Variants in EPM2A observed in about 807,000 individuals in gnomAD.
EPM2A encodes EPM2A glucan phosphatase, laforin, also known as laforin.
EPM2A carries 21 observed loss-of-function variants against 26.5 expected under a neutral mutation model. That is an observed-to-expected ratio of 0.79 (90% confidence interval 0.56 to 1.14). EPM2A has a LOEUF of 1.14. Ranked by LOEUF, EPM2A falls within the 50% of genes most tolerant of loss-of-function variation. The probability of loss-of-function intolerance (pLI) is 0.00; values close to 1 mark genes in which losing one functional copy is unlikely to be tolerated. For synonymous variants in EPM2A, 217 were observed against 177.6 expected (o/e 1.22, Z -1.76); for missense variants, 458 against 440.8 (o/e 1.04, Z -0.35).
At chr6:145,461,977 A>T (rs898876965) in intron 4 of EPM2A, among the ~76,000 whole-genome samples, 1 of 152,198 alleles carries the variant, frequency 6.6e-6, no homozygotes, top group Non-Finnish European at 1.5e-5. Context: ...CAAAAGCGTA[A>T]GCTCAGGAGC....
chr6:145,735,475 C>A lies in EPM2A; in HGVS notation c.24G>T (p.Val8=). The part of the protein sequence containing the change: MRFRFGV[V]VPPAVAGARP... ...GGGCGCCGGCCACGGCGGGTGGCACCACCACCCCAAAGCGGAAGCGCATGG... is the reference window on the plus strand; with the variant it reads ...GGGCGCCGGCCACGGCGGGTGGCACAACCACCCCAAAGCGGAAGCGCATGG... The change falls in exon 1 of 4, where the codon GTG becomes GTT. Residue 8 remains valine, a synonymous_variant. Transcript: ENST00000367519. The A allele has an allele frequency of 3.3e-6, 4 of 1,212,804 alleles. No individual in the cohort carries two copies. The highest frequency in any genetic ancestry group is 4.1e-6 in the Non-Finnish European group (4 of 976,046). The allele number at this position is 1,212,804 out of a possible 1,614,324, so 75.1% of individuals were successfully genotyped here.
chr6:145,626,114 C>A lies in EPM2A; in HGVS notation c.*1302G>T. The stretch of plus-strand genomic sequence containing the variant: ...TTATATATCACCTTGCACATAGAGG[C>A]TCTCAATTAAAAAAACACTTCTCTT... On this transcript the variant is annotated 3_prime_UTR_variant, in exon 4 of 4. Coordinates refer to ENST00000367519, the MANE Select transcript of EPM2A (RefSeq NM_005670.4). The A allele has an allele frequency of 9.7e-7, 1 of 1,032,892 alleles. No individual in the cohort carries two copies. The highest frequency in any genetic ancestry group is 1.2e-6 in the Non-Finnish European group (1 of 859,578). 64.0% of individuals were successfully genotyped at this position (1,032,892 alleles called of 1,614,324 possible). A position where few individuals can be genotyped will look rare whatever the true frequency, so the allele number is the denominator to read the frequency against.
intron 4 of EPM2A, among the ~76,000 whole-genome samples, chr6:145,470,238 A>T (rs1779456878): frequency 6.6e-6 from 1 of 152,144 alleles, no homozygotes. Context: ...ATTTTCCCTG[A>T]TCTGATTATT....
intron 2 of EPM2A, among the ~76,000 whole-genome samples, chr6:145,566,741 A>G (rs1452328137): frequency 1.3e-5 from 2 of 152,218 alleles, no homozygotes; most frequent in African/African-American, 4.8e-5. Flanking sequence ...ATAGGGGTCA[A>G]AAGAAGCTAC....
At chr6:145,525,706 A>G (rs960975459) in intron 2 of EPM2A, among the ~76,000 whole-genome samples, 1 of 152,038 alleles carries the variant, frequency 6.6e-6, no homozygotes, top group Non-Finnish European at 1.5e-5. Flanking sequence ...TGGAATTTTT[A>G]GGATTTTCTA....
At chr6:145,610,147 G>A (rs1224432310) in intron 2 of EPM2A, among the ~76,000 whole-genome samples, 1 of 151,862 alleles carries the variant, frequency 6.6e-6, no homozygotes, top group East Asian at 1.9e-4. Context: ...CCGGGAGGAG[G>A]AGGTTGCAGT....
intron 1 of EPM2A, among the ~76,000 whole-genome samples, chr6:145,693,223 T>C (rs1404274374): frequency 6.6e-6 from 1 of 152,038 alleles, no homozygotes; most frequent in African/African-American, 2.4e-5. Context: ...TTGGATGCTG[T>C]TGGTATATAG....
chr6:145,596,499 T>G (rs2128549023), intron 2 of EPM2A, among the ~76,000 whole-genome samples: 1 of 152,350 alleles, frequency 6.6e-6, no homozygotes, highest in East Asian at 1.9e-4. Flanking sequence ...ATAACATATA[T>G]GTAAACAGAA....
chr6:145,423,632 C>A (rs1226230422), intron 4 of EPM2A, among the ~76,000 whole-genome samples: 1 of 152,092 alleles, frequency 6.6e-6, no homozygotes, highest in East Asian at 1.9e-4. Context: ...GGGTTTTTAC[C>A]CACTTCCTGT....
chr6:145,426,431 A>G (rs995679816), intron 4 of EPM2A, among the ~76,000 whole-genome samples: 1 of 152,228 alleles, frequency 6.6e-6, no homozygotes, highest in Non-Finnish European at 1.5e-5. Flanking sequence ...ATTATTCCAC[A>G]ATGATTTTTT....
chr6:145,571,109 A>C (rs990908330), intron 2 of EPM2A, among the ~76,000 whole-genome samples: 2 of 152,202 alleles, frequency 1.3e-5, no homozygotes, highest in African/African-American at 2.4e-5. Flanking sequence ...GTATATCACT[A>C]GTGGTGATGG....
In EPM2A at chr6:145,466,356, G is replaced by A. The variant is rs868081743; in HGVS notation, c.555+36166C>T. ...AGGACATGAACAGACACTTCTCAAAGGAAGACATTTATGCAGGCAAAAAAC... is the reference window on the plus strand; with the variant it reads ...AGGACATGAACAGACACTTCTCAAAAGAAGACATTTATGCAGGCAAAAAAC... On this transcript the variant is annotated intron_variant, in intron 4 of 4. Coordinates refer to the EPM2A transcript ENST00000638717. 9.7e-4 allele frequency among the ~76,000 whole-genome samples: 147 copies of A among 152,096 alleles called. 1 individual carries two copies. Among genetic ancestry groups the A allele is most frequent in the African/African-American group, 3.3e-3 (136 of 41,466 alleles).
At chr6:145,499,491 T>C (rs942084367), downstream of EPM2A, among the ~76,000 whole-genome samples, 1 of 152,208 alleles carries the variant, frequency 6.6e-6, no homozygotes, top group Non-Finnish European at 1.5e-5. Context: ...CTTTTGCAAT[T>C]AATTAATTAA....
chr6:145,442,672 A>C (rs1779080343), intron 4 of EPM2A, among the ~76,000 whole-genome samples: 1 of 151,294 alleles, frequency 6.6e-6, no homozygotes. Context: ...CCATATCAGT[A>C]GTCCTTTCCC....
intron 1 of EPM2A, among the ~76,000 whole-genome samples, chr6:145,708,543 G>A (rs1009993576): frequency 6.6e-6 from 1 of 152,200 alleles, no homozygotes; most frequent in East Asian, 1.9e-4. Context: ...CAAAGCACTG[G>A]CAGCTCCGGT....
chr6:145,586,888 TA>T (rs1304845012), intron 2 of EPM2A, among the ~76,000 whole-genome samples: 1 of 152,196 alleles, frequency 6.6e-6, no homozygotes, highest in African/African-American at 2.4e-5. Context: ...GCAATCTCCT[TA>T]AAAAAGTAAC....
intron 4 of EPM2A, among the ~76,000 whole-genome samples, chr6:145,480,412 C>G (rs1582788123): frequency 6.6e-6 from 1 of 151,942 alleles, no homozygotes; most frequent in Non-Finnish European, 1.5e-5. Flanking sequence ...GGCCCCCTTC[C>G]AACATTGAGG....
intron 1 of EPM2A, among the ~76,000 whole-genome samples, chr6:145,716,326 A>C (rs1775619612): frequency 6.6e-6 from 1 of 152,212 alleles, no homozygotes; most frequent in African/African-American, 2.4e-5. Context: ...TGTTATAAAA[A>C]ATATGAATTC....
chr6:145,725,815 T>C (rs187416855), intron 1 of EPM2A, among the ~76,000 whole-genome samples: 29 of 152,172 alleles, frequency 1.9e-4, no homozygotes, highest in Admixed American at 5.9e-4. Flanking sequence ...GAGGTGAAAC[T>C]AGTCGAAATG....
Sources: gnomAD v4.1 joint callset for allele counts (sites outside exome capture counted in the v4.1 genomes callset) on GRCh38, gnomAD v4.1.1 for gene constraint, MANE v1.5 for transcripts, NCBI Gene and HGNC (gene_info 2026-07-23, HGNC 2026-07-21) for gene names.